Variants in ENPP6 observed in about 807,000 individuals in gnomAD.
ENPP6 encodes ectonucleotide pyrophosphatase/phosphodiesterase 6, also known as glycerophosphocholine cholinephosphodiesterase ENPP6.
ENPP6 carries 32 observed loss-of-function variants against 42.0 expected under a neutral mutation model. The observed-to-expected ratio is 0.76, with a 90% CI of 0.58 to 1.02. The LOEUF (loss-of-function observed/expected upper bound fraction) is 1.02. ENPP6 is among the 50% of genes least tolerant of loss of function. The pLI, the probability that ENPP6 is intolerant of heterozygous loss-of-function variation, is 0.00. For missense variants in ENPP6, 552 were observed against 566.8 expected (o/e 0.97, Z 0.27); for synonymous variants, 213 against 216.0 (o/e 0.99, Z 0.12).
rs114263035 is a variant in ENPP6, at chr4:184,112,558, G to A, written c.993+114C>T. 477 of 1,292,990 alleles carry A rather than the reference G, an allele frequency of 3.7e-4. 1 individual carries two copies. The African/African-American group carries it at 5.8e-3, about 16-fold the overall frequency. 80.1% of individuals were successfully genotyped at this position (1,292,990 alleles called of 1,614,324 possible). Reference sequence around the variant, plus strand: ...TAAAGAAAGACATAACGCAACAAACGATGCCTAAGTGAAAAAATCTTTTAT... The same window carrying A: ...TAAAGAAAGACATAACGCAACAAACAATGCCTAAGTGAAAAAATCTTTTAT... On this transcript the variant is annotated intron_variant, in intron 6 of 7. Transcript: ENST00000296741.
At chr4:184,142,070 G>A (rs182384526) in intron 2 of ENPP6, among the ~76,000 whole-genome samples, 7 of 152,292 alleles carry the variant, frequency 4.6e-5, no homozygotes, top group Admixed American at 1.3e-4. Flanking sequence ...AAGGTCTCCC[G>A]GCCTGCCAGC....
At position 184,112,701 on chromosome 4, in the gene ENPP6, C is replaced by G. The variant is rs1260955039; in HGVS notation, c.964G>C (p.Val322Leu). 6.2e-7 allele frequency: 1 copy of G among 1,614,086 alleles called. No homozygotes were observed. Among genetic ancestry groups the G allele is most frequent in the South Asian group, 1.1e-5 (1 of 91,044 alleles). Residue 322 changes from valine (V) to leucine (L), a missense_variant, in exon 6 of 8, where the codon GTG becomes CTG. Around this residue, in one of 2 missense-constraint regions of ENPP6, gnomAD observed 545 missense variants for 546.3 expected, o/e 1.00. Coordinates refer to ENST00000296741, the MANE Select transcript of ENPP6 (RefSeq NM_153343.4). ...KGKFVSPLTL[V>L]ADEGWFITEN... ...GTTATGAACCAGCCTTCATCAGCCA[C>G]TAAAGTCAAAGGAGAGACAAACTTT...
Position 184,157,097 on chromosome 4 carries a change from G to A in ENPP6, c.242-3364C>T, listed in dbSNP as rs145366177. Among the ~76,000 whole-genome samples the A allele has an allele frequency of 3.0e-3, 454 of 152,318 alleles. 2 individuals are homozygous for A. Among genetic ancestry groups the A allele is most frequent in the African/African-American group, 1.0e-2 (415 of 41,570 alleles). On this transcript the variant is annotated intron_variant, in intron 1 of 7. Transcript: ENST00000296741. ...AGTCAGTTTAGTGATAATCCTCCAC[G>A]CTTGGTATCTGACCACCCTCAATAT...
intron 1 of ENPP6, among the ~76,000 whole-genome samples, chr4:184,186,808 C>T (rs78430343): frequency 6.6e-6 from 1 of 152,286 alleles, no homozygotes; most frequent in Non-Finnish European, 1.5e-5. Context: ...TCTCTGCTTC[C>T]GCCCTCAGCC....
intron 2 of ENPP6, among the ~76,000 whole-genome samples, chr4:184,150,961 G>A (rs1277769592): frequency 1.3e-5 from 2 of 152,332 alleles, no homozygotes; most frequent in South Asian, 2.1e-4. Flanking sequence ...GAGCTGTTTT[G>A]GAGGAGCAAC....
chr4:184,108,983 G>T (rs1342165126), intron 6 of ENPP6, among the ~76,000 whole-genome samples: 1 of 152,224 alleles, frequency 6.6e-6, no homozygotes, highest in African/African-American at 2.4e-5. Flanking sequence ...GGCCAAGGCG[G>T]GCAGATCACT....
intron 1 of ENPP6, among the ~76,000 whole-genome samples, chr4:184,189,629 G>C (rs768586595): frequency 1.3e-5 from 2 of 152,146 alleles, no homozygotes; most frequent in Non-Finnish European, 2.9e-5. Flanking sequence ...GACCAGAGGA[G>C]GCCAGAAGGG....
rs564807871 is a variant in ENPP6 at position 184,094,639 on chromosome 4, C to T, written c.1117+2606G>A. Among the ~76,000 whole-genome samples, 25 of 152,354 alleles carry T rather than the reference C, an allele frequency of 1.6e-4. 1 individual carries two copies. The highest frequency in any genetic ancestry group is 6.5e-4 in the Admixed American group (10 of 15,308). ...GGACAGAGAGTCCAAGTTATCCTCG[C>T]GTGTTTACATTTTTTTGGATATGAG... On this transcript the variant is annotated intron_variant, in intron 7 of 7. Transcript: ENST00000296741.
intron 2 of ENPP6, among the ~76,000 whole-genome samples, chr4:184,143,572 G>A (rs1033934128): frequency 1.3e-5 from 2 of 152,140 alleles, no homozygotes; most frequent in African/African-American, 2.4e-5. Context: ...CATGGACCTC[G>A]TGGCCTCTCC....
At chr4:184,211,128 G>C (rs1733102524) in intron 1 of ENPP6, among the ~76,000 whole-genome samples, 1 of 150,392 alleles carries the variant, frequency 6.6e-6, no homozygotes, top group Non-Finnish European at 1.5e-5. Context: ...GCCCACAAGA[G>C]AAAGCAGGAA....
At chr4:184,176,937 A>T (rs1219965940) in intron 1 of ENPP6, among the ~76,000 whole-genome samples, 1 of 152,176 alleles carries the variant, frequency 6.6e-6, no homozygotes, top group Non-Finnish European at 1.5e-5. Context: ...GGCTGAAAGA[A>T]TCTCACCTCG....
At chr4:184,189,867 G>C (rs989813148) in intron 1 of ENPP6, among the ~76,000 whole-genome samples, 2 of 152,196 alleles carry the variant, frequency 1.3e-5, no homozygotes, top group Non-Finnish European at 2.9e-5. Flanking sequence ...GCCAGCCAGA[G>C]CCCAGGATCA....
rs556230292 is a variant in ENPP6 at position 184,173,801 on chromosome 4, C to T, written c.242-20068G>A. On this transcript the variant is annotated intron_variant, in intron 1 of 7. Coordinates refer to ENST00000296741, the MANE Select transcript of ENPP6 (RefSeq NM_153343.4). ...GTACGGAGAATAGGAGGGCATGATT[C>T]TAGTGCATAAGGGCTTTACAATGCA... Among the ~76,000 whole-genome samples, 6 of 152,274 alleles carry T rather than the reference C, an allele frequency of 3.9e-5. No individual in the cohort carries two copies. In the South Asian group the frequency reaches 1.0e-3, roughly 26 times the overall value.
intron 1 of ENPP6, among the ~76,000 whole-genome samples, chr4:184,180,446 A>G (rs1732533573): frequency 6.6e-6 from 1 of 152,202 alleles, no homozygotes; most frequent in Admixed American, 6.5e-5. Context: ...AGGAGCTGGT[A>G]CCATTTCTCA....
chr4:184,185,940 G>T (rs1198466040), intron 1 of ENPP6, among the ~76,000 whole-genome samples: 1 of 152,178 alleles, frequency 6.6e-6, no homozygotes, highest in African/African-American at 2.4e-5. Context: ...AATTTGTTGG[G>T]TAGCATTGTG....
rs149795320 is a variant in ENPP6 at position 184,117,836 on chromosome 4, C to G, written c.598G>C (p.Gly200Arg). 22 of 1,614,114 alleles carry G rather than the reference C, an allele frequency of 1.4e-5. No individual in the cohort carries two copies. The highest frequency in any genetic ancestry group is 1.8e-5 in the Non-Finnish European group (21 of 1,180,056). Residue 200 changes from glycine (G) to arginine (R), a missense_variant, in exon 4 of 8, where the codon GGG becomes CGG. Transcript: ENST00000296741. Reference sequence around the variant, plus strand: ...TCTTTCCTCTGCGGAGATGCAGGCCCGTAGTGGTGGCCTTCCACGTCAATG... The same window carrying G: ...TCTTTCCTCTGCGGAGATGCAGGCCGGTAGTGGTGGCCTTCCACGTCAATG... ...ERIDVEGHHY[G>R]PASPQRKDAL...
intron 1 of ENPP6, among the ~76,000 whole-genome samples, chr4:184,208,881 G>A (rs1344693871): frequency 1.4e-5 from 2 of 143,348 alleles, no homozygotes; most frequent in Non-Finnish European, 3.1e-5. Context: ...GCACGCAGCT[G>A]GAGATCTGAG....
At chr4:184,215,498 G>A (rs577260603) in intron 1 of ENPP6, among the ~76,000 whole-genome samples, 4 of 152,270 alleles carry the variant, frequency 2.6e-5, no homozygotes, top group East Asian at 1.9e-4. Flanking sequence ...GACAGTGGAG[G>A]TGATACCAGG....
chr4:184,123,466 C>A (rs1736453495), intron 3 of ENPP6, among the ~76,000 whole-genome samples: 1 of 152,070 alleles, frequency 6.6e-6, no homozygotes, highest in African/African-American at 2.4e-5. Context: ...CAAGTCCACT[C>A]CTGGAAACTC....
Sources: gnomAD v4.1 joint callset for allele counts (sites outside exome capture counted in the v4.1 genomes callset) on GRCh38, gnomAD v4.1.1 for gene constraint, gnomAD v4.1.1 regional missense constraint, MANE v1.5 for transcripts, NCBI Gene and HGNC (gene_info 2026-07-23, HGNC 2026-07-21) for gene names.